The following CLSTN2 variants were observed in gnomAD, a reference collection of about 807,000 sequenced individuals.
CLSTN2 encodes the protein calsyntenin-2.
CLSTN2 carries 48 observed loss-of-function variants against 101.2 expected under a neutral mutation model. The observed-to-expected ratio is 0.47, with a 90% CI of 0.38 to 0.60. CLSTN2 has a LOEUF of 0.60. Among genes scored for constraint, CLSTN2 ranks in the 20% least tolerant of loss-of-function variants. The pLI is 0.00. For synonymous variants in CLSTN2, 481 were observed against 463.6 expected (o/e 1.04, Z -0.48); for missense variants, 1,160 against 1,238.2 (o/e 0.94, Z 0.95).
intron 1 of CLSTN2, among the ~76,000 whole-genome samples, chr3:140,072,459 A>T (rs1273423434): frequency 6.6e-6 from 1 of 152,246 alleles, no homozygotes; most frequent in Non-Finnish European, 1.5e-5. Flanking sequence ...AATAAAATTC[A>T]AATTAACAAT....
chr3:140,034,751 C>T (rs1352277213), intron 1 of CLSTN2, among the ~76,000 whole-genome samples: 1 of 152,234 alleles, frequency 6.6e-6, no homozygotes, highest in African/African-American at 2.4e-5. Context: ...CCAACCTCCT[C>T]ACTCTGTAGT....
At chr3:140,226,535 C>T (rs921404867) in intron 2 of CLSTN2, among the ~76,000 whole-genome samples, 4 of 152,078 alleles carry the variant, frequency 2.6e-5, no homozygotes, top group Admixed American at 2.0e-4. Context: ...TATGGGTATT[C>T]ATTATAGAAT....
intron 2 of CLSTN2, among the ~76,000 whole-genome samples, chr3:140,366,557 T>C (rs556579727): frequency 1.1e-4 from 16 of 152,296 alleles, no homozygotes; most frequent in Admixed American, 2.6e-4. Context: ...TGCATTGTCA[T>C]TAGCTCATGC....
chr3:139,968,162 A>G (rs1197047092), intron 1 of CLSTN2, among the ~76,000 whole-genome samples: 1 of 152,208 alleles, frequency 6.6e-6, no homozygotes, highest in East Asian at 1.9e-4. Flanking sequence ...TCTAGAATTT[A>G]TCACTCACAT....
chr3:140,249,892 C>T (rs1021974239), intron 2 of CLSTN2, among the ~76,000 whole-genome samples: 4 of 152,100 alleles, frequency 2.6e-5, no homozygotes, highest in South Asian at 2.1e-4. Flanking sequence ...CCTCACTCCG[C>T]AGGGCAACAG....
intron 8 of CLSTN2, among the ~76,000 whole-genome samples, chr3:140,493,672 CA>C (rs1190434941): frequency 6.6e-6 from 1 of 152,186 alleles, no homozygotes; most frequent in Non-Finnish European, 1.5e-5. Flanking sequence ...GTCAAAGGCA[CA>C]AACATCACCT....
rs767485348 is a variant in CLSTN2 at position 140,566,079 on chromosome 3, A to C, written c.2694A>C (p.Glu898Asp). 1.2e-6 allele frequency: 2 copies of C among 1,613,840 alleles called. No homozygotes were observed. Among genetic ancestry groups the C allele is most frequent in the Non-Finnish European group, 8.5e-7 (1 of 1,179,738 alleles). The change falls in exon 17 of 17, where the codon GAA becomes GAC. Residue 898 changes from glutamate to aspartate, a missense_variant. By Grantham distance (45) the Glu-to-Asp change is conservative (BLOSUM62 2). Coordinates refer to ENST00000458420, the MANE Select transcript of CLSTN2 (RefSeq NM_022131.3). ...AACATGAAGGACCAGGGCATGGGGA[A>C]GATGAGACTGAGGGAGAAGAGGAGG... Reference protein sequence around the residue: ...MEKHEGPGHGEDETEGEEEEE... With the variant: ...MEKHEGPGHGDDETEGEEEEE...
At chr3:140,250,872 C>CT (rs202215229) in intron 2 of CLSTN2, among the ~76,000 whole-genome samples, 2 of 152,086 alleles carry the variant, frequency 1.3e-5, no homozygotes, top group East Asian at 1.9e-4. Context: ...TCAAAGGTTG[C>CT]TTTTTTTTGG....
At chr3:140,122,415 G>T (rs2009357552) in intron 1 of CLSTN2, among the ~76,000 whole-genome samples, 1 of 152,198 alleles carries the variant, frequency 6.6e-6, no homozygotes. Context: ...ACAAGGAGTG[G>T]TGATAACCAC....
chr3:140,384,286 C>CA, intron 2 of CLSTN2, among the ~76,000 whole-genome samples: 1 of 152,286 alleles, frequency 6.6e-6, no homozygotes, highest in South Asian at 2.1e-4. Context: ...GATTTCCTAG[C>CA]AAATAATCGT....
chr3:140,143,392 TCAGA>T (rs970276461), intron 1 of CLSTN2, among the ~76,000 whole-genome samples: 2 of 152,190 alleles, frequency 1.3e-5, no homozygotes, highest in African/African-American at 4.8e-5. Context: ...ATATCCCACC[TCAGA>T]CAGACAGCAA....
chr3:140,196,067 T>C (rs995059243), intron 2 of CLSTN2, among the ~76,000 whole-genome samples: 2 of 152,180 alleles, frequency 1.3e-5, no homozygotes, highest in African/African-American at 4.8e-5. Context: ...TTCCTGATGG[T>C]TAGTCCTAGG....
At chr3:140,246,988 C>G (rs1014292252) in intron 2 of CLSTN2, among the ~76,000 whole-genome samples, 54 of 152,108 alleles carry the variant, frequency 3.6e-4, no homozygotes, top group Admixed American at 3.5e-3. Flanking sequence ...TGCTCAATAC[C>G]TGGGGGCCAT....
chr3:139,976,479 G>C (rs1935820635), intron 1 of CLSTN2, among the ~76,000 whole-genome samples: 1 of 152,228 alleles, frequency 6.6e-6, no homozygotes, highest in Admixed American at 6.5e-5. Context: ...TCAGTGCACG[G>C]ATGAGGGAAA....
intron 1 of CLSTN2, among the ~76,000 whole-genome samples, chr3:140,087,366 G>A (rs1024141561): frequency 2.0e-5 from 3 of 152,162 alleles, no homozygotes; most frequent in African/African-American, 7.2e-5. Context: ...ATGAATTGTA[G>A]CCATTCTTCT....
At chr3:140,439,448 CA>C (rs1398498530) in intron 5 of CLSTN2, among the ~76,000 whole-genome samples, 2 of 152,168 alleles carry the variant, frequency 1.3e-5, no homozygotes, top group Admixed American at 6.5e-5. Flanking sequence ...GTCACAGAGT[CA>C]GTCATCACAG....
chr3:140,214,768 T>C (rs2010900525), intron 2 of CLSTN2, among the ~76,000 whole-genome samples: 1 of 152,180 alleles, frequency 6.6e-6, no homozygotes, highest in Admixed American at 6.5e-5. Flanking sequence ...AAATACAGCA[T>C]AGGGGAAGAA....
At chr3:140,145,910 G>A (rs1164619024) in intron 1 of CLSTN2, among the ~76,000 whole-genome samples, 1 of 152,240 alleles carries the variant, frequency 6.6e-6, no homozygotes, top group Admixed American at 6.5e-5. Flanking sequence ...GTCTATGAGT[G>A]AGACTGCCTG....
chr3:139,989,014 C>T (rs952198520), intron 1 of CLSTN2, among the ~76,000 whole-genome samples: 1 of 152,144 alleles, frequency 6.6e-6, no homozygotes, highest in Non-Finnish European at 1.5e-5. Flanking sequence ...AGGGAAAGCC[C>T]GCTAACCTGA....
Sources: gnomAD v4.1 joint callset for allele counts (sites outside exome capture counted in the v4.1 genomes callset) on GRCh38, gnomAD v4.1.1 for gene constraint, MANE v1.5 for transcripts, NCBI Gene and HGNC (gene_info 2026-07-23, HGNC 2026-07-21) for gene names.